LRBA: variants seen among roughly 807,000 people sequenced by gnomAD.
The protein encoded by LRBA is lipopolysaccharide-responsive and beige-like anchor protein.
In LRBA, 176 loss-of-function variants were observed where a neutral mutation model predicts 330.0. The observed-to-expected ratio is 0.53, with a 90% CI of 0.47 to 0.60. LRBA has a LOEUF of 0.60. LRBA is among the 20% of genes least tolerant of loss of function. LRBA has a pLI of 0.00. For synonymous variants in LRBA, 1,230 were observed against 1,193.0 expected, an observed-to-expected ratio of 1.03 and a Z score of -0.64; for missense variants, 3,259 against 3,444.8, an observed-to-expected ratio of 0.95 and a Z score of 1.35.
chr4:150,463,985 T>A (rs1353874828), intron 44 of LRBA, among the ~76,000 whole-genome samples: 2 of 141,314 alleles, frequency 1.4e-5, no homozygotes, highest in Admixed American at 1.5e-4. Context: ...GGTACAAAGA[T>A]GGAGGAAGAG....
At chr4:150,533,479 A>G (rs199828706) in intron 40 of LRBA, among the ~76,000 whole-genome samples, 1 of 151,072 alleles carries the variant, frequency 6.6e-6, no homozygotes, top group African/African-American at 2.4e-5. Context: ...GCCAAAACCC[A>G]TTTTTTTTTA....
intron 36 of LRBA, among the ~76,000 whole-genome samples, chr4:150,700,195 A>G (rs746964285): frequency 6.6e-6 from 1 of 152,188 alleles, no homozygotes; most frequent in Non-Finnish European, 1.5e-5. Flanking sequence ...AAAGGTGAAG[A>G]AAATAACAAT....
At chr4:150,338,038 G>A (rs1228224632) in intron 48 of LRBA, among the ~76,000 whole-genome samples, 1 of 152,042 alleles carries the variant, frequency 6.6e-6, no homozygotes, top group Non-Finnish European at 1.5e-5. Flanking sequence ...ATGAAACTGG[G>A]GTCATGTAAA....
chr4:150,825,674 A>G lies in LRBA; in HGVS notation c.5171+2506T>C, dbSNP rs1336684787. 9.2e-5 allele frequency among the ~76,000 whole-genome samples: 14 copies of G among 152,136 alleles called. 1 individual carries two copies. The highest frequency in any genetic ancestry group is 9.2e-4 in the Admixed American group (14 of 15,272). On this transcript the variant is annotated intron_variant, in intron 30 of 56. Coordinates refer to ENST00000651943, the MANE Select transcript of LRBA (RefSeq NM_001364905.1). ...TCTCCAGTAAACTGTGTATCACGGT[A>G]AAAGTGCTCTCTCCCAGTTCTCATA...
At chr4:150,382,381 T>C (rs1233868035) in intron 47 of LRBA, among the ~76,000 whole-genome samples, 1 of 152,060 alleles carries the variant, frequency 6.6e-6, no homozygotes, top group Non-Finnish European at 1.5e-5. Context: ...CTTAGCACTT[T>C]GGGAGGTTAA....
intron 40 of LRBA, among the ~76,000 whole-genome samples, chr4:150,498,014 AT>A (rs1387328762): frequency 1.3e-5 from 2 of 152,202 alleles, no homozygotes; most frequent in Middle Eastern, 3.2e-3. Context: ...AATTTTTCAG[AT>A]GTCAACCTTT....
At chr4:150,936,640 CA>C (rs2149520407) in intron 2 of LRBA, among the ~76,000 whole-genome samples, 1 of 151,904 alleles carries the variant, frequency 6.6e-6, no homozygotes, top group East Asian at 1.9e-4. Flanking sequence ...AAGGAAAGCT[CA>C]AAGAGAAAAT....
intron 40 of LRBA, among the ~76,000 whole-genome samples, chr4:150,524,381 T>C (rs1047787233): frequency 9.2e-5 from 14 of 152,306 alleles, no homozygotes; most frequent in African/African-American, 2.9e-4. Context: ...TTTACCTTAA[T>C]AAATGTGAAC....
chr4:150,656,371 A>G lies in LRBA; in HGVS notation c.5921+27180T>C, dbSNP rs923426931. Among the ~76,000 whole-genome samples the G allele has an allele frequency of 3.9e-5, 6 of 152,228 alleles. No individual in the cohort carries two copies. In the East Asian group the frequency reaches 9.7e-4, roughly 24 times the overall value. On this transcript the variant is annotated intron_variant, in intron 37 of 56. Transcript: ENST00000651943. The stretch of plus-strand genomic sequence containing the variant: ...CTGGGTACTCAGGAGTTGCTTTTAT[A>G]TTGTTAGAGAAGGCTTATTTTGTTT...
intron 34 of LRBA, among the ~76,000 whole-genome samples, chr4:150,780,910 C>T (rs551094345): frequency 5.3e-5 from 8 of 152,008 alleles, no homozygotes; most frequent in East Asian, 1.9e-4. Flanking sequence ...GACGGAGTCT[C>T]GCTCTGTCAC....
chr4:150,363,819 T>C (rs1739055632), intron 47 of LRBA, among the ~76,000 whole-genome samples: 1 of 152,210 alleles, frequency 6.6e-6, no homozygotes, highest in Non-Finnish European at 1.5e-5. Flanking sequence ...AAGAAATTCT[T>C]CTGATTTACC....
intron 2 of LRBA, among the ~76,000 whole-genome samples, chr4:150,937,106 G>C (rs1735153552): frequency 6.6e-6 from 1 of 151,950 alleles, no homozygotes; most frequent in African/African-American, 2.4e-5. Context: ...TATCCAGACA[G>C]GTGTTTTAAA....
chr4:150,497,021 C>T (rs1038027605), intron 40 of LRBA, among the ~76,000 whole-genome samples: 1 of 151,976 alleles, frequency 6.6e-6, no homozygotes, highest in East Asian at 1.9e-4. Flanking sequence ...ATTTGAACCA[C>T]CTTTAAAATA....
chr4:150,686,396 T>C (rs1283691856), intron 36 of LRBA, among the ~76,000 whole-genome samples: 2 of 152,208 alleles, frequency 1.3e-5, no homozygotes, highest in Non-Finnish European at 2.9e-5. Flanking sequence ...GTTCACTTTG[T>C]CAAAAATATG....
chr4:150,820,421 A>C (rs2126780567), intron 30 of LRBA, among the ~76,000 whole-genome samples: 1 of 152,134 alleles, frequency 6.6e-6, no homozygotes, highest in Admixed American at 6.6e-5. Context: ...TTAACATTTA[A>C]ACATAATTTT....
intron 40 of LRBA, among the ~76,000 whole-genome samples, chr4:150,568,379 G>A (rs934725843): frequency 6.6e-6 from 1 of 151,938 alleles, no homozygotes; most frequent in Non-Finnish European, 1.5e-5. Context: ...ACCTGCCAAG[G>A]GAACTAGAAT....
chr4:150,401,784 T>C (rs771049086), intron 47 of LRBA, among the ~76,000 whole-genome samples: 2 of 152,052 alleles, frequency 1.3e-5, no homozygotes, highest in Non-Finnish European at 2.9e-5. Flanking sequence ...CACTGAAATA[T>C]TTAGAGGTAA....
chr4:150,655,434 T>C (rs6846154), intron 37 of LRBA, among the ~76,000 whole-genome samples: 121,020 of 152,154 alleles, frequency 0.8, 52,102 homozygotes, highest in Non-Finnish European at 0.95. Context: ...AATAGCCTTA[T>C]CATTTTTGCC....
chr4:150,985,212 C>T (rs1335199817), intron 2 of LRBA, among the ~76,000 whole-genome samples: 2 of 149,326 alleles, frequency 1.3e-5, no homozygotes, highest in East Asian at 2.0e-4. Context: ...GAGCCAAGAT[C>T]GCATCACTGC....
Sources: allele counts gnomAD v4.1 joint callset (sites outside exome capture counted in the v4.1 genomes callset), GRCh38; gene constraint gnomAD v4.1.1; transcripts MANE v1.5; gene names NCBI Gene and HGNC (gene_info 2026-07-23, HGNC 2026-07-21).